FRK: variants seen among roughly 807,000 people sequenced by gnomAD.
FRK encodes fyn related Src family tyrosine kinase.
In FRK, 51 loss-of-function variants were observed where a neutral mutation model predicts 56.4. The observed-to-expected ratio is 0.90, with a 90% CI of 0.72 to 1.14. FRK has a LOEUF of 1.14. Among genes scored for constraint, FRK ranks in the 50% most tolerant of loss-of-function variants. The probability of loss-of-function intolerance (pLI) is 0.00; values close to 1 mark genes in which losing one functional copy is unlikely to be tolerated. For missense variants in FRK, 570 were observed against 601.4 expected, an observed-to-expected ratio of 0.95 and a Z score of 0.55; for synonymous variants, 245 against 217.9, an observed-to-expected ratio of 1.12 and a Z score of -1.10.
intron 2 of FRK, among the ~76,000 whole-genome samples, chr6:115,997,108 C>G (rs1774870344): frequency 6.6e-6 from 1 of 152,146 alleles, no homozygotes; most frequent in Admixed American, 6.6e-5. Flanking sequence ...CACATAATTA[C>G]CCCAGCTAAG....
chr6:116,053,145 A>G (rs1777240803), intron 1 of FRK, among the ~76,000 whole-genome samples: 1 of 152,166 alleles, frequency 6.6e-6, no homozygotes, highest in Non-Finnish European at 1.5e-5. Flanking sequence ...TCTTAGGCAT[A>G]CCATAGGCTA....
chr6:116,050,376 C>T (rs981027948), intron 1 of FRK, among the ~76,000 whole-genome samples: 54 of 152,150 alleles, frequency 3.5e-4, no homozygotes, highest in African/African-American at 1.3e-3. Flanking sequence ...GCTTTATTCC[C>T]AAACTAATCT....
chr6:115,992,503 C>A (rs989984228), intron 2 of FRK, among the ~76,000 whole-genome samples: 3 of 151,600 alleles, frequency 2.0e-5, no homozygotes, highest in African/African-American at 7.3e-5. Context: ...AAGTGTTTCT[C>A]CAAATAGTTT....
chr6:116,003,847 A>G (rs1341214299), intron 2 of FRK, 30 bp downstream of exon 2: 3 of 1,611,060 alleles, frequency 1.9e-6, no homozygotes, highest in Non-Finnish European at 1.7e-6. Flanking sequence ...TCTCAAGCTC[A>G]TATTGAATGA....
At chr6:115,998,719 T>G (rs998383036) in intron 2 of FRK, among the ~76,000 whole-genome samples, 1 of 152,194 alleles carries the variant, frequency 6.6e-6, no homozygotes, top group Admixed American at 6.5e-5. Context: ...TGGCTGCCTT[T>G]CACTTACTAG....
At chr6:116,078,317 AAAGAC>A in the FRK span, among the ~76,000 whole-genome samples, 1 of 152,188 alleles carries the variant, frequency 6.6e-6, no homozygotes, top group East Asian at 1.9e-4. Flanking sequence ...TACTAGGACT[AAAGAC>A]AATACAATAG....
chr6:115,943,164 C>T lies in FRK; in HGVS notation c.1162G>A (p.Glu388Lys). The change falls in exon 7 of 8, where the codon GAA (glutamate) becomes AAA (lysine). Residue 388 changes from glutamate to lysine, a missense_variant. By Grantham distance (56) the Glu-to-Lys change is moderately conservative. Transcript: ENST00000606080. ...GGCAGCTTTATTTCGTGTCTAGATT[C>T]ATAGATGTCTTCATTATCTACCTGT... ...VFKVDNEDIY[E>K]SRHEIKLPVK... 1 of 1,610,762 alleles carries T rather than the reference C, an allele frequency of 6.2e-7. No individual in the cohort carries two copies. Among genetic ancestry groups the T allele is most frequent in the Non-Finnish European group, 8.5e-7 (1 of 1,178,736 alleles).
intron 1 of FRK, among the ~76,000 whole-genome samples, chr6:116,049,168 C>A (rs1187588935): frequency 6.6e-6 from 1 of 152,158 alleles, no homozygotes; most frequent in African/African-American, 2.4e-5. Flanking sequence ...AAAACCCACT[C>A]TTTAAACTAT....
intron 2 of FRK, among the ~76,000 whole-genome samples, chr6:115,994,940 C>A (rs3822856): frequency 0.38 from 58,407 of 151,966 alleles, 12,374 homozygotes; most frequent in East Asian, 0.78. Context: ...TCACTGAGTT[C>A]GTTCCACTTA....
At chr6:116,005,072 C>A (rs769942933) in intron 1 of FRK, among the ~76,000 whole-genome samples, 1 of 151,854 alleles carries the variant, frequency 6.6e-6, no homozygotes, top group East Asian at 1.9e-4. Context: ...AATGTGAGTG[C>A]CCTAACAATG....
the FRK span, among the ~76,000 whole-genome samples, chr6:116,069,167 A>C: frequency 2.6e-5 from 4 of 152,212 alleles, no homozygotes; most frequent in Non-Finnish European, 5.9e-5. Context: ...AGCCTCTCTA[A>C]TCTGTTAGAC....
Position 116,003,723 on chromosome 6 carries a change from T to C in FRK, c.466+154A>G, listed in dbSNP as rs910956846. 3.9e-5 allele frequency among the ~76,000 whole-genome samples: 6 copies of C among 152,214 alleles called. No individual in the cohort carries two copies. The East Asian group carries it at 1.2e-3, about 29-fold the overall frequency. On this transcript the variant is annotated intron_variant, in intron 2 of 7. Transcript: ENST00000606080. ...AGACAGTATCTTTTTGGCTAATTTT[T>C]ATATTACTCTTAAGTAGTTTAGTAT... is the stretch of plus-strand genomic sequence containing the variant.
chr6:116,100,661 G>T, the FRK span, among the ~76,000 whole-genome samples: 3 of 152,222 alleles, frequency 2.0e-5, no homozygotes, highest in Non-Finnish European at 4.4e-5. Context: ...AACAGATCAG[G>T]AGTCGCCGGC....
upstream of FRK, among the ~76,000 whole-genome samples, chr6:116,064,214 T>C (rs2114848024): frequency 6.6e-6 from 1 of 152,258 alleles, no homozygotes; most frequent in East Asian, 1.9e-4. Flanking sequence ...ATGACTTCCT[T>C]GTCATTTTTC....
chr6:116,077,618 GTACAT>G, the FRK span, among the ~76,000 whole-genome samples: 11 of 152,100 alleles, frequency 7.2e-5, no homozygotes, highest in Non-Finnish European at 1.5e-4. Context: ...ATATTCATGT[GTACAT>G]TACCTTACTC....
chr6:115,948,390 C>T (rs1363403266), intron 5 of FRK, among the ~76,000 whole-genome samples: 1 of 152,168 alleles, frequency 6.6e-6, no homozygotes, highest in Non-Finnish European at 1.5e-5. Context: ...AGGACCTGAA[C>T]CAGGAGACCC....
intron 4 of FRK, among the ~76,000 whole-genome samples, chr6:115,960,104 G>T (rs549016219): frequency 2.6e-5 from 4 of 151,998 alleles, no homozygotes; most frequent in East Asian, 1.9e-4. Flanking sequence ...CGCAGAAGAC[G>T]GGTGATTTCT....
chr6:116,009,620 C>T (rs999230827), intron 1 of FRK, among the ~76,000 whole-genome samples: 4 of 151,784 alleles, frequency 2.6e-5, no homozygotes, highest in Non-Finnish European at 5.9e-5. Context: ...TCTTTATTAA[C>T]AATAACCAAG....
chr6:116,064,503 T>C (rs117598066), upstream of FRK, among the ~76,000 whole-genome samples: 20 of 152,122 alleles, frequency 1.3e-4, no homozygotes, highest in South Asian at 2.1e-4. Context: ...GAAGAAACAA[T>C]TGGGGAGAGA....
Sources: allele counts gnomAD v4.1 joint callset (sites outside exome capture counted in the v4.1 genomes callset), GRCh38; gene constraint gnomAD v4.1.1; transcripts MANE v1.5; gene names NCBI Gene and HGNC (gene_info 2026-07-23, HGNC 2026-07-21).